G6PD: variants seen among roughly 807,000 people sequenced by gnomAD.
The protein encoded by G6PD is glucose-6-phosphate 1-dehydrogenase.
G6PD carries 2 observed loss-of-function variants against 38.2 expected under a neutral mutation model. The observed-to-expected ratio is 0.05, with a 90% confidence interval of 0.02 to 0.16. The LOEUF is 0.16. Ranked by LOEUF, G6PD falls within the 10% of genes least tolerant of loss-of-function variation. G6PD has a pLI of 1.00. For missense variants in G6PD, 310 were observed against 471.6 expected, an observed-to-expected ratio of 0.66 and a Z score of 3.17; for synonymous variants, 188 against 196.0, an observed-to-expected ratio of 0.96 and a Z score of 0.34.
At chrX:154,544,372 G>C (rs1194832608) in intron 2 of G6PD, among the ~76,000 whole-genome samples, 1 of 110,505 alleles carries the variant, frequency 9.0e-6, no homozygotes, top group African/African-American at 3.3e-5. Context: ...ATGTTGGCCA[G>C]GATGGTCTCG....
intron 2 of G6PD, chrX:154,542,219 C>A: frequency 1.1e-6 from 1 of 905,576 alleles, no homozygotes; most frequent in Admixed American, 3.0e-5. Context: ...GTCATCCCTC[C>A]CACAGGCCCA....
upstream of G6PD, chrX:154,547,253 CT>C (rs2070765692): frequency 5.9e-6 from 4 of 681,204 alleles, no homozygotes; most frequent in South Asian, 3.0e-4. Flanking sequence ...TGGGCTGTCC[CT>C]CGGCTCCTGG....
chrX:154,542,319 A>C, intron 2 of G6PD: 1 of 1,187,460 alleles, frequency 8.4e-7, no homozygotes, highest in African/African-American at 1.7e-5. Flanking sequence ...AGGACCCCGC[A>C]GACTATCAAT....
chrX:154,544,906 T>C lies in G6PD; in HGVS notation c.120+1130A>G, dbSNP rs782436856. Among the ~76,000 whole-genome samples, 20 of 112,581 alleles carry C rather than the reference T, an allele frequency of 1.8e-4. 1 individual carries two copies. The South Asian group carries it at 6.2e-3, about 35-fold the overall frequency. ...TCAGCCAGCACTGAGGGGCGCACGA[T>C]GTGGAAGAACTAACTAGTTTTGATA... On this transcript the variant is annotated intron_variant, in intron 2 of 12. Transcript: ENST00000393562.
At chrX:154,545,522 C>T (rs1247865273) in intron 2 of G6PD, among the ~76,000 whole-genome samples, 1 of 111,761 alleles carries the variant, frequency 8.9e-6, no homozygotes, top group Non-Finnish European at 1.9e-5. Context: ...CTACATTCAG[C>T]GGCTAGGCAC....
At chrX:154,542,912 G>A (rs1180890010) in intron 2 of G6PD, among the ~76,000 whole-genome samples, 2 of 112,163 alleles carry the variant, frequency 1.8e-5, no homozygotes, top group African/African-American at 6.5e-5. Context: ...TAGGTCCCAT[G>A]AGGAGGGCAG....
At chrX:154,539,762 G>A (rs2070457343) in intron 2 of G6PD, among the ~76,000 whole-genome samples, 1 of 109,890 alleles carries the variant, frequency 9.1e-6, no homozygotes, top group Non-Finnish European at 1.9e-5. Flanking sequence ...TCACTCTGTC[G>A]GCCAGGCTGG....
intron 2 of G6PD, 106 bp from the exon 3 acceptor site, chrX:154,536,284 G>C (rs1208250673): frequency 4.1e-5 from 31 of 756,661 alleles, no homozygotes; most frequent in Non-Finnish European, 5.8e-5. Context: ...ATCACTACTG[G>C]GCCACAAGCA....
At chrX:154,540,235 T>C (rs1463560085) in intron 2 of G6PD, among the ~76,000 whole-genome samples, 20 of 105,522 alleles carry the variant, frequency 1.9e-4, no homozygotes, top group African/African-American at 6.6e-4. Flanking sequence ...CTTTGGGAGG[T>C]TGAGGTGGGT....
At chrX:154,533,287 C>T in intron 8 of G6PD, 159 bp from the exon 9 acceptor site, 1 of 573,163 alleles carries the variant, frequency 1.7e-6, no homozygotes, top group Non-Finnish European at 2.8e-6. Context: ...TCCCTGAGGA[C>T]CCTCCAGGAC....
chrX:154,531,940 CG>C lies in G6PD; in HGVS notation c.*59del. 1.1e-6 allele frequency: 1 copy of C among 926,431 alleles called. No individual in the cohort carries two copies. The highest frequency in any genetic ancestry group is 2.0e-5 in the South Asian group (1 of 49,139). 76.3% of individuals were successfully genotyped at this position (926,431 alleles called of 1,213,427 possible). On this transcript the variant is annotated 3_prime_UTR_variant, in exon 13 of 13. Coordinates refer to ENST00000393562, the MANE Select transcript of G6PD (RefSeq NM_001360016.2). ...CAATGGTCCCGGAGTCCTCCCGACTCGGGGTCGGGCGGCGGGAAGGAGGGTG... is the reference window on the plus strand; with the variant it reads ...CAATGGTCCCGGAGTCCTCCCGACTCGGGTCGGGCGGCGGGAAGGAGGGTG...
chrX:154,533,232 C>G, intron 8 of G6PD, 104 bp from the exon 9 acceptor site: 3 of 909,403 alleles, frequency 3.3e-6, no homozygotes, highest in Non-Finnish European at 4.7e-6. Flanking sequence ...GAGGAGGCCC[C>G]TGCTTGGCTC....
intron 2 of G6PD, among the ~76,000 whole-genome samples, chrX:154,542,880 G>A (rs781909194): frequency 2.1e-4 from 23 of 112,181 alleles, no homozygotes; most frequent in Non-Finnish European, 4.3e-4. Context: ...ACTTGCCGTG[G>A]TTCCCTGGCC....
At chrX:154,546,300 G>A (rs1258200805) in intron 1 of G6PD, 137 bp from the exon 2 acceptor site, 1 of 848,446 alleles carries the variant, frequency 1.2e-6, no homozygotes, top group African/African-American at 2.0e-5. Context: ...TGAACGGCTG[G>A]GCATTGGGGA....
chrX:154,546,166 G>T lies in G6PD; in HGVS notation c.-8-3C>A. On this transcript the variant is annotated splice_region_variant and splice_polypyrimidine_tract_variant and intron_variant, in intron 1 of 12. Coordinates refer to ENST00000393562, the MANE Select transcript of G6PD (RefSeq NM_001360016.2). ...CACCTGCTCTGCCATGACGCTGTCT[G>T]GTGGAAGAAAGGCTCGTTAACAAGG... 1 of 1,211,533 alleles carries T rather than the reference G, an allele frequency of 8.3e-7. No individual in the cohort carries two copies. Among genetic ancestry groups the T allele is most frequent in the Non-Finnish European group, 1.1e-6 (1 of 895,543 alleles).
chrX:154,534,853 T>C (rs2070387712), intron 5 of G6PD, among the ~76,000 whole-genome samples: 1 of 111,724 alleles, frequency 9.0e-6, no homozygotes, highest in Admixed American at 9.4e-5. Flanking sequence ...AAGAGGACCT[T>C]TGCTTTACTA....
At position 154,545,769 on chromosome X, in the gene G6PD, AG is replaced by A. The variant is rs2070687363; in HGVS notation, c.120+266del. 97 of 310,498 alleles carry A rather than the reference AG, an allele frequency of 3.1e-4. 1 individual carries two copies. The South Asian group carries it at 3.6e-3, about 11-fold the overall frequency. 25.6% of individuals were successfully genotyped at this position (310,498 alleles called of 1,213,427 possible). On this transcript the variant is annotated intron_variant, in intron 2 of 12. Transcript: ENST00000393562. ...AGAATCGCTTGAACCCAGGAGGCCG[AG>A]GTTGCAGTGAGCCAAGATGGCGCCA...
At chrX:154,543,225 A>G (rs1202827940) in intron 2 of G6PD, among the ~76,000 whole-genome samples, 7 of 112,333 alleles carry the variant, frequency 6.2e-5, no homozygotes, top group Admixed American at 1.9e-4. Flanking sequence ...GGCACTTCCT[A>G]TTTCTGCTTT....
chrX:154,547,517 A>C, upstream of G6PD: 1 of 753,818 alleles, frequency 1.3e-6, no homozygotes, highest in Non-Finnish European at 1.6e-6. Flanking sequence ...TTCTCTCCGG[A>C]GCGGGATGCG....
Sources: gnomAD v4.1 joint callset for allele counts (sites outside exome capture counted in the v4.1 genomes callset) on GRCh38, gnomAD v4.1.1 for gene constraint, MANE v1.5 for transcripts, NCBI Gene and HGNC (gene_info 2026-07-23, HGNC 2026-07-21) for gene names.